Variants in FAM234A observed in about 807,000 individuals in gnomAD.
The protein encoded by FAM234A is family with sequence similarity 234 member A, also known as protein FAM234A.
FAM234A carries 42 observed loss-of-function variants against 49.1 expected under a neutral mutation model. The observed-to-expected ratio is 0.86, with a 90% CI of 0.67 to 1.11. The LOEUF is 1.11. Ranked by LOEUF, FAM234A falls within the 50% of genes least tolerant of loss-of-function variation. The pLI is 0.00. For missense variants in FAM234A, 815 were observed against 745.2 expected, an observed-to-expected ratio of 1.09 and a Z score of -1.09; for synonymous variants, 369 against 316.2, an observed-to-expected ratio of 1.17 and a Z score of -1.77.
chr16:257,934 T>C (rs2051301155), intron 3 of FAM234A, among the ~76,000 whole-genome samples: 1 of 152,014 alleles, frequency 6.6e-6, no homozygotes, highest in African/African-American at 2.4e-5. Flanking sequence ...CTCAACTGAC[T>C]GCAGCCTCCA....
chr16:262,445 C>T lies in FAM234A; in HGVS notation c.863C>T (p.Ser288Phe). Residue 288 changes from serine to phenylalanine, a missense_variant, in exon 8 of 13, where the codon TCT (serine) becomes TTT (phenylalanine). Physicochemically the swap from Ser to Phe is radical, Grantham distance 155. Coordinates refer to ENST00000399932, the MANE Select transcript of FAM234A (RefSeq NM_032039.4). ...FPCASSLCGC[S>F]VKGLYEKVTG... ...ATAGCAAGCTCCCTCTGCGGCTGCT[C>T]TGTGAAGGGTCTCTACGAGAAGGTG... The T allele has an allele frequency of 6.2e-7, 1 of 1,608,680 alleles. No homozygotes were observed.
chr16:256,998 T>A (rs1040662308), intron 3 of FAM234A, among the ~76,000 whole-genome samples: 70 of 152,220 alleles, frequency 4.6e-4, no homozygotes, highest in African/African-American at 1.6e-3. Context: ...TGCCTCAGCA[T>A]CCCAAAGTGC....
rs1224796442 is a variant in FAM234A, at chr16:234,856, A to C, written c.-141A>C. On this transcript the variant is annotated splice_region_variant and 5_prime_UTR_variant, in exon 1 of 13. Transcript: ENST00000399932. ...CGGTCGGGTGAGAGGCCGCGGCGGC[A>C]GGTGAGTGAGCGCGGCCTCGTACTC... The C allele has an allele frequency of 6.6e-6, 1 of 152,372 alleles. No individual in the cohort carries two copies. Among genetic ancestry groups the C allele is most frequent in the Non-Finnish European group, 1.5e-5 (1 of 68,172 alleles). 9.4% of individuals were successfully genotyped at this position (152,372 alleles called of 1,614,324 possible).
chr16:262,954 G>C (rs1411151366), intron 8 of FAM234A, among the ~76,000 whole-genome samples: 1 of 151,826 alleles, frequency 6.6e-6, no homozygotes, highest in Non-Finnish European at 1.5e-5. Flanking sequence ...CGAGTAGCTG[G>C]GATTACAGGC....
Position 265,838 on chromosome 16 carries a change from C to G in FAM234A, c.*816C>G, listed in dbSNP as rs2051676033. On this transcript the variant is annotated 3_prime_UTR_variant, in exon 13 of 13. Transcript: ENST00000399932. Reference sequence around the variant, plus strand: ...CCTCTCAGTAGACACTGGAGCTGCTCTGTCCCTGAAGAGGCCCCGTGCCCC... The same window carrying G: ...CCTCTCAGTAGACACTGGAGCTGCTGTGTCCCTGAAGAGGCCCCGTGCCCC... 2 of 985,944 alleles carry G rather than the reference C, an allele frequency of 2.0e-6. No individual in the cohort carries two copies. Among genetic ancestry groups the G allele is most frequent in the Non-Finnish European group, 1.2e-6 (1 of 830,146 alleles). 61.1% of individuals were successfully genotyped at this position (985,944 alleles called of 1,614,324 possible). A position where few individuals can be genotyped will look rare whatever the true frequency, so the allele number is the denominator to read the frequency against.
In FAM234A at chr16:254,361, C is replaced by G. The variant is rs990573084; in HGVS notation, c.-33-20C>G. 6.2e-7 allele frequency: 1 copy of G among 1,601,100 alleles called. No individual in the cohort carries two copies. The highest frequency in any genetic ancestry group is 8.5e-7 in the Non-Finnish European group (1 of 1,172,528). ...CCGTGGGACTGCTGGCCTCGCCGAC[C>G]TCTTGCTTTATCGACACAGTGACCA... On this transcript the variant is annotated intron_variant, in intron 2 of 12. Coordinates refer to ENST00000399932, the MANE Select transcript of FAM234A (RefSeq NM_032039.4).
chr16:256,300 T>G (rs1479625983), intron 3 of FAM234A, among the ~76,000 whole-genome samples: 2 of 152,316 alleles, frequency 1.3e-5, no homozygotes, highest in East Asian at 3.9e-4. Context: ...CTAAAGCGAC[T>G]GCACCATTTG....
chr16:235,128 C>T (rs1268814557), intron 1 of FAM234A, among the ~76,000 whole-genome samples: 1 of 152,222 alleles, frequency 6.6e-6, no homozygotes, highest in Non-Finnish European at 1.5e-5. Context: ...GTTTCAGTGG[C>T]ATTCAGAACA....
In FAM234A at chr16:265,113, T is replaced by C. The variant is rs1325661666; in HGVS notation, c.*91T>C. 9.0e-5 allele frequency: 134 copies of C among 1,488,352 alleles called. No homozygotes were observed. The highest frequency in any genetic ancestry group is 1.1e-4 in the Non-Finnish European group (125 of 1,123,492). 92.2% of individuals were successfully genotyped at this position (1,488,352 alleles called of 1,614,324 possible). ...CCCTTCCCTGGGTCTCTGCACTGAC[T>C]CCCCCACTCCTGACCCTGGTGATGG... On this transcript the variant is annotated 3_prime_UTR_variant, in exon 13 of 13. Transcript: ENST00000399932.
intron 1 of FAM234A, among the ~76,000 whole-genome samples, chr16:237,369 C>T (rs1259568302): frequency 6.6e-6 from 1 of 152,108 alleles, no homozygotes; most frequent in African/African-American, 2.4e-5. Context: ...GTGATTATGA[C>T]TTCGGGTCTC....
downstream of FAM234A, chr16:269,085 G>A (rs543101631): frequency 3.1e-6 from 3 of 953,616 alleles, no homozygotes; most frequent in Admixed American, 2.0e-5. Context: ...TTCCTTCTGG[G>A]CAGGGAGGGC....
chr16:269,041 G>A, downstream of FAM234A: 1 of 1,186,588 alleles, frequency 8.4e-7, no homozygotes, highest in Middle Eastern at 2.0e-4. Flanking sequence ...CTGAGCCAAT[G>A]AACCCCCTCC....
Position 262,079 on chromosome 16 carries a change from CTG to C in FAM234A, c.709-10_709-9del. 1.2e-6 allele frequency: 2 copies of C among 1,613,072 alleles called. No homozygotes were observed. Among genetic ancestry groups the C allele is most frequent in the Non-Finnish European group, 1.7e-6 (2 of 1,179,470 alleles). On this transcript the variant is annotated splice_polypyrimidine_tract_variant and intron_variant, in intron 6 of 12. Coordinates refer to ENST00000399932, the MANE Select transcript of FAM234A (RefSeq NM_032039.4). ...CAGGTCCCTCTCTTCCTGTGTCATC[CTG>C]TGTCATTGCAGGTTAGTGGCCACCT...
chr16:258,945 G>C (rs1171028380), intron 3 of FAM234A, among the ~76,000 whole-genome samples: 1 of 152,184 alleles, frequency 6.6e-6, no homozygotes, highest in Non-Finnish European at 1.5e-5. Context: ...ACTACACCCA[G>C]CTAATTTTTT....
rs373367020 is a variant in FAM234A, at chr16:264,510, G to A, written c.1345-104G>A. On this transcript the variant is annotated intron_variant, in intron 11 of 12. Coordinates refer to ENST00000399932, the MANE Select transcript of FAM234A (RefSeq NM_032039.4). ...GCTGGCATTTGGGGGACCCAGATAG[G>A]GCCCCTAGCAGACATAGAGCTCCAG... The A allele has an allele frequency of 2.5e-5, 22 of 870,600 alleles. 1 individual carries two copies. The African/African-American group carries it at 2.8e-4, about 11-fold the overall frequency. 53.9% of individuals were successfully genotyped at this position (870,600 alleles called of 1,614,324 possible).
In FAM234A at chr16:261,424, T is replaced by C. The variant is rs773843743; in HGVS notation, c.618T>C (p.Asn206=). Residue 206 remains asparagine (N), a synonymous_variant, in exon 6 of 13, where the codon AAT becomes AAC. Transcript: ENST00000399932. ...LWNHSSSFSG[N]ASILSPLLQV... is the part of the protein sequence containing the mutation. ...ACCACAGCAGCAGCTTCAGCGGGAA[T>C]GCGTCCATCCTGAGCCCTCTGCTGC... 3.1e-6 allele frequency: 5 copies of C among 1,613,380 alleles called. No homozygotes were observed. Among genetic ancestry groups the C allele is most frequent in the Admixed American group, 3.3e-5 (2 of 60,006 alleles).
At chr16:268,363 G>A (rs1000299354), downstream of FAM234A, 3 of 288,840 alleles carry the variant, frequency 1.0e-5, no homozygotes, top group Non-Finnish European at 2.0e-5. Context: ...GCTGTTGGGA[G>A]TGACTGGATG....
At position 252,178 on chromosome 16, in the gene FAM234A, G is replaced by GTT. The variant is rs1368906456; in HGVS notation, c.-33-2198_-33-2197dup. Reference sequence around the variant, plus strand: ...GTGCTGGCCATGTCTCTGTTTTTCTGTTTTTTGTTTTTTTTTTTTTTTTGA... The same window carrying GTT: ...GTGCTGGCCATGTCTCTGTTTTTCTGTTTTTTTTGTTTTTTTTTTTTTTTTGA... On this transcript the variant is annotated intron_variant, in intron 2 of 12. Transcript: ENST00000399932. Among the ~76,000 whole-genome samples, 80 of 126,086 alleles carry GTT rather than the reference G, an allele frequency of 6.3e-4. 2 individuals carry two copies. Among genetic ancestry groups the GTT allele is most frequent in the Non-Finnish European group, 1.0e-3 (63 of 61,980 alleles). The allele number at this position is 126,086 out of a possible 152,430, so 82.7% of individuals were successfully genotyped here.
chr16:266,283 C>T (rs1237757552), downstream of FAM234A, among the ~76,000 whole-genome samples: 21 of 152,202 alleles, frequency 1.4e-4, no homozygotes, highest in Admixed American at 1.4e-3. Context: ...ACTGGGCACC[C>T]AGCAATCTTG....
Sources: allele counts gnomAD v4.1 joint callset (sites outside exome capture counted in the v4.1 genomes callset), GRCh38; gene constraint gnomAD v4.1.1; transcripts MANE v1.5; gene names NCBI Gene and HGNC (gene_info 2026-07-23, HGNC 2026-07-21).